DNMT3B: variants seen among roughly 807,000 people sequenced by gnomAD.
The protein encoded by DNMT3B is DNA (cytosine-5)-methyltransferase 3B.
A neutral mutation model predicts 120.2 loss-of-function variants in DNMT3B; 37 were observed. The observed-to-expected ratio is 0.31, with a 90% CI of 0.24 to 0.40. The LOEUF is 0.40. DNMT3B is among the 10% of genes least tolerant of loss of function. The pLI, the probability that DNMT3B is intolerant of heterozygous loss-of-function variation, is 1.00. For synonymous variants in DNMT3B, 412 were observed against 442.8 expected (o/e 0.93, Z 0.87); for missense variants, 878 against 1,137.3 (o/e 0.77, Z 3.28).
intron 10 of DNMT3B, 143 bp from the exon 11 acceptor site, chr20:32,795,266 A>C: frequency 1.6e-6 from 2 of 1,284,598 alleles, no homozygotes; most frequent in Non-Finnish European, 2.2e-6. Context: ...TTGCCCATCA[A>C]GGGGCCATAT....
intron 14 of DNMT3B, 131 bp from the exon 15 acceptor site, chr20:32,798,329 T>C (rs1044324141): frequency 1.7e-6 from 2 of 1,165,446 alleles, no homozygotes; most frequent in African/African-American, 1.5e-5. Context: ...CCCCGCAGGC[T>C]ATGCTGTTAA....
chr20:32,797,996 A>C (rs1043923168), intron 14 of DNMT3B, among the ~76,000 whole-genome samples: 17 of 151,884 alleles, frequency 1.1e-4, no homozygotes, highest in African/African-American at 4.1e-4. Context: ...AATAAATAAA[A>C]AGTGTAATAA....
At chr20:32,805,497 A>G (rs752769951) in intron 21 of DNMT3B, 90 bp downstream of exon 21, 1 of 1,489,100 alleles carries the variant, frequency 6.7e-7, no homozygotes, top group African/African-American at 1.4e-5. Flanking sequence ...ATTGGTTCCT[A>G]CTCCTCCCCC....
Position 32,809,236 on chromosome 20 carries a change from G to C in DNMT3B, c.*1333G>C, listed in dbSNP as rs1473013665. On this transcript the variant is annotated 3_prime_UTR_variant, in exon 23 of 23. Transcript: ENST00000328111. ...AAATTTTTTTTGTAACTGGAGCCACGACGTAACAAATATGGGGAAAAAACT... is the reference window on the plus strand; with the variant it reads ...AAATTTTTTTTGTAACTGGAGCCACCACGTAACAAATATGGGGAAAAAACT... 1 of 219,120 alleles carries C rather than the reference G, an allele frequency of 4.6e-6. No homozygotes were observed. Among genetic ancestry groups the C allele is most frequent in the South Asian group, 1.8e-4 (1 of 5,414 alleles). The allele number at this position is 219,120 out of a possible 1,614,324, so 13.6% of individuals were successfully genotyped here.
Position 32,781,405 on chromosome 20 carries a change from C to A in DNMT3B, c.195C>A (p.Ser65Arg). 6.2e-7 allele frequency: 1 copy of A among 1,614,200 alleles called. No individual in the cohort carries two copies. The highest frequency in any genetic ancestry group is 8.5e-7 in the Non-Finnish European group (1 of 1,180,032). The change falls in exon 3 of 23, where the codon AGC becomes AGA. Residue 65 changes from serine to arginine, a missense_variant. Around this residue, in one of 4 missense-constraint regions of DNMT3B, gnomAD observed 287 missense variants for 306.2 expected, o/e 0.94. Coordinates refer to ENST00000328111, the MANE Select transcript of DNMT3B (RefSeq NM_006892.4). ...LSKREVSSLLSYTQDLTGDGD... is the reference protein window; with the variant it reads ...LSKREVSSLLRYTQDLTGDGD... Reference sequence around the variant, plus strand: ...AGAGGGAGGTGTCCAGTCTGCTAAGCTACACACAGGTATGGTCTCTGCTCT... The same window carrying A: ...AGAGGGAGGTGTCCAGTCTGCTAAGATACACACAGGTATGGTCTCTGCTCT...
At chr20:32,794,830 A>G (rs577146950) in intron 10 of DNMT3B, among the ~76,000 whole-genome samples, 45 of 152,304 alleles carry the variant, frequency 3.0e-4, no homozygotes, top group Admixed American at 2.9e-3. Context: ...CTCAATTTTG[A>G]TGCTAAATTT....
At chr20:32,767,548 T>A (rs1288324147) in intron 1 of DNMT3B, among the ~76,000 whole-genome samples, 18 of 152,070 alleles carry the variant, frequency 1.2e-4, no homozygotes. Flanking sequence ...TCCTCCCACT[T>A]CAGTCTCCAA....
chr20:32,786,587 A>C lies in DNMT3B; in HGVS notation c.392A>C (p.Asn131Thr). Reference sequence around the variant, plus strand: ...TCCACCCGAGGCCGGCAGGGCCGCAACCATGTGGACGAGTCCCCCGTGGAG... The same window carrying C: ...TCCACCCGAGGCCGGCAGGGCCGCACCCATGTGGACGAGTCCCCCGTGGAG... ...PRSTRGRQGR[N>T]HVDESPVEFP... The change falls in exon 5 of 23, where the codon AAC (asparagine) becomes ACC (threonine). Residue 131 changes from asparagine (N) to threonine (T), a missense_variant. Physicochemically the swap from Asn to Thr is moderately conservative, Grantham distance 65. Around this residue, in one of 4 missense-constraint regions of DNMT3B, gnomAD observed 287 missense variants for 306.2 expected, o/e 0.94. Transcript: ENST00000328111. The C allele has an allele frequency of 1.2e-6, 2 of 1,613,960 alleles. No individual in the cohort carries two copies. The highest frequency in any genetic ancestry group is 1.7e-6 in the Non-Finnish European group (2 of 1,180,026).
At chr20:32,803,496 A>C (rs1432881438) in intron 20 of DNMT3B, among the ~76,000 whole-genome samples, 1 of 152,142 alleles carries the variant, frequency 6.6e-6, no homozygotes, top group Non-Finnish European at 1.5e-5. Context: ...AAATGGGTTA[A>C]TGCTTTCAAC....
chr20:32,792,175 G>A lies in DNMT3B; in HGVS notation c.922-451G>A, dbSNP rs191369951. Among the ~76,000 whole-genome samples, 601 of 152,228 alleles carry A rather than the reference G, an allele frequency of 3.9e-3. 2 individuals carry two copies. Among genetic ancestry groups the A allele is most frequent in the Non-Finnish European group, 6.0e-3 (405 of 68,024 alleles). On this transcript the variant is annotated intron_variant, in intron 8 of 22. Coordinates refer to ENST00000328111, the MANE Select transcript of DNMT3B (RefSeq NM_006892.4). The stretch of plus-strand genomic sequence containing the variant: ...AGCCAACCTCTTCTCATTGCTAAAG[G>A]CTTCATTAGACACTGAAATCCTTGG...
At chr20:32,798,986 G>A (rs2146033821) in intron 15 of DNMT3B, among the ~76,000 whole-genome samples, 1 of 152,354 alleles carries the variant, frequency 6.6e-6, no homozygotes, top group Non-Finnish European at 1.5e-5. Flanking sequence ...ATTCCTGTCT[G>A]GGGTGATACC....
chr20:32,762,725 G>C (rs1012750633), intron 1 of DNMT3B, 26 bp downstream of exon 1: 2 of 162,924 alleles, frequency 1.2e-5, no homozygotes, highest in Admixed American at 6.5e-5. Context: ...CCCCGGGGAG[G>C]CTCGGCCGCC....
At chr20:32,786,432 C>A in intron 4 of DNMT3B, 70 bp from the exon 5 acceptor site, 9 of 1,609,564 alleles carry the variant, frequency 5.6e-6, no homozygotes, top group Non-Finnish European at 7.6e-6. Flanking sequence ...AAGGCCTAAT[C>A]CTTCTGGCCC....
chr20:32,773,697 C>A (rs188252874), intron 1 of DNMT3B, among the ~76,000 whole-genome samples: 1 of 151,160 alleles, frequency 6.6e-6, no homozygotes, highest in East Asian at 2.0e-4. Context: ...ACTGCAGCCT[C>A]AACTTCCGAG....
At chr20:32,799,113 C>A in intron 15 of DNMT3B, 131 bp from the exon 16 acceptor site, 2 of 971,128 alleles carry the variant, frequency 2.1e-6, no homozygotes, top group South Asian at 2.8e-5. Context: ...CCCATCAAGC[C>A]TTCAGTGGGC....
At chr20:32,779,510 C>T (rs1164564417) in intron 1 of DNMT3B, among the ~76,000 whole-genome samples, 5 of 152,246 alleles carry the variant, frequency 3.3e-5, no homozygotes, top group Non-Finnish European at 7.3e-5. Context: ...CCAACCCATC[C>T]GTATGGCCCT....
At chr20:32,793,637 C>G in intron 10 of DNMT3B, 42 bp downstream of exon 10, 2 of 1,602,326 alleles carry the variant, frequency 1.2e-6, no homozygotes, top group Non-Finnish European at 1.7e-6. Context: ...GTTTTCTATG[C>G]ACTTTCTTCT....
At chr20:32,777,544 C>G (rs1287591841) in intron 1 of DNMT3B, among the ~76,000 whole-genome samples, 2 of 152,160 alleles carry the variant, frequency 1.3e-5, no homozygotes, top group Non-Finnish European at 2.9e-5. Context: ...CTGCTACCAG[C>G]TCCTGGCCAC....
chr20:32,783,107 A>C (rs1357389364), intron 3 of DNMT3B, among the ~76,000 whole-genome samples: 1 of 151,916 alleles, frequency 6.6e-6, no homozygotes, highest in Non-Finnish European at 1.5e-5. Context: ...TTGTATTTTT[A>C]GTAGAGATGG....
Sources: gnomAD v4.1 joint callset for allele counts (sites outside exome capture counted in the v4.1 genomes callset) on GRCh38, gnomAD v4.1.1 for gene constraint, gnomAD v4.1.1 regional missense constraint, MANE v1.5 for transcripts, NCBI Gene and HGNC (gene_info 2026-07-23, HGNC 2026-07-21) for gene names.